The following ERC1 variants were observed in gnomAD, a reference collection of about 807,000 sequenced individuals.
The protein encoded by ERC1 is ELKS/RAB6-interacting/CAST family member 1, also known as RAB6 interacting protein 2.
In ERC1, 56 loss-of-function variants were observed where a neutral mutation model predicts 132.0. That is an observed-to-expected ratio of 0.42 (90% CI 0.34 to 0.53). The LOEUF (loss-of-function observed/expected upper bound fraction) is 0.53. Ranked by LOEUF, ERC1 falls within the 20% of genes least tolerant of loss-of-function variation. ERC1 has a pLI of 0.03. For missense variants in ERC1, 1,202 were observed against 1,349.9 expected (o/e 0.89, Z 1.72); for synonymous variants, 478 against 476.1 (o/e 1.00, Z -0.05).
At chr12:1,387,636 A>G (rs965660218) in intron 16 of ERC1, among the ~76,000 whole-genome samples, 19 of 152,204 alleles carry the variant, frequency 1.2e-4, no homozygotes, top group Admixed American at 1.0e-3. Context: ...CAGAGATTAG[A>G]CTGGGTGGCT....
intron 8 of ERC1, among the ~76,000 whole-genome samples, chr12:1,167,409 G>C (rs1566128563): frequency 6.6e-6 from 1 of 152,184 alleles, no homozygotes; most frequent in Non-Finnish European, 1.5e-5. Context: ...GTCAACTCTA[G>C]TTGAGAAATT....
At chr12:1,461,269 A>G (rs945904560) in intron 18 of ERC1, among the ~76,000 whole-genome samples, 2 of 152,216 alleles carry the variant, frequency 1.3e-5, no homozygotes, top group Non-Finnish European at 2.9e-5. Context: ...TGAGACATGT[A>G]TAACCTGTAT....
chr12:1,488,143 A>G lies in ERC1; in HGVS notation c.3214-1950A>G, dbSNP rs2094266329. On this transcript the variant is annotated intron_variant, in intron 18 of 18. Coordinates refer to ENST00000360905, the MANE Select transcript of ERC1 (RefSeq NM_178040.4). ...ACAGAGCGAGACTCACGTCTCAGAAAAAAAAAAAAAAAAAAAAAAGATAGA... is the reference window on the plus strand; with the variant it reads ...ACAGAGCGAGACTCACGTCTCAGAAGAAAAAAAAAAAAAAAAAAAGATAGA... 3.4e-5 allele frequency among the ~76,000 whole-genome samples: 5 copies of G among 148,316 alleles called. No homozygotes were observed. The South Asian group carries it at 1.1e-3, about 31-fold the overall frequency.
chr12:1,174,926 T>C (rs1403137732), intron 8 of ERC1, among the ~76,000 whole-genome samples: 1 of 152,204 alleles, frequency 6.6e-6, no homozygotes, highest in Non-Finnish European at 1.5e-5. Flanking sequence ...CTCGGAGATA[T>C]TGCAGATTCA....
chr12:1,175,311 T>C (rs1953572620), intron 8 of ERC1, among the ~76,000 whole-genome samples: 1 of 152,172 alleles, frequency 6.6e-6, no homozygotes, highest in South Asian at 2.1e-4. Context: ...TGCTATTTGA[T>C]AGCATTTTAC....
intron 13 of ERC1, among the ~76,000 whole-genome samples, chr12:1,240,606 C>T (rs188619762): frequency 9.5e-4 from 144 of 152,132 alleles, no homozygotes; most frequent in African/African-American, 3.4e-3. Flanking sequence ...AAATATTTTC[C>T]GTATTTTCCA....
chr12:1,076,815 G>A (rs1390369536), intron 2 of ERC1, among the ~76,000 whole-genome samples: 1 of 152,076 alleles, frequency 6.6e-6, no homozygotes, highest in Non-Finnish European at 1.5e-5. Context: ...ATTTTTGTCA[G>A]TTTTTCATAA....
chr12:1,143,233 A>T (rs1033711917), intron 8 of ERC1, among the ~76,000 whole-genome samples: 3 of 152,078 alleles, frequency 2.0e-5, no homozygotes, highest in South Asian at 4.2e-4. Flanking sequence ...AATAAAAAAG[A>T]TGTTGTCCAG....
chr12:1,440,289 C>A (rs1209608350), intron 17 of ERC1, among the ~76,000 whole-genome samples: 1 of 146,648 alleles, frequency 6.8e-6, no homozygotes, highest in African/African-American at 2.6e-5. Flanking sequence ...ACTGCAAGCT[C>A]CGCCTCCTGG....
chr12:1,374,331 T>C (rs1428348234), intron 16 of ERC1, among the ~76,000 whole-genome samples: 1 of 152,194 alleles, frequency 6.6e-6, no homozygotes, highest in Admixed American at 6.5e-5. Context: ...TATATAGATT[T>C]GGGGGTCACC....
At chr12:1,310,857 C>A (rs1358179665) in intron 15 of ERC1, among the ~76,000 whole-genome samples, 2 of 152,260 alleles carry the variant, frequency 1.3e-5, no homozygotes, top group Admixed American at 6.5e-5. Context: ...TCACTCCTGC[C>A]ACCAGCACAG....
At chr12:1,249,066 A>C (rs1353814472) in intron 13 of ERC1, among the ~76,000 whole-genome samples, 1 of 151,260 alleles carries the variant, frequency 6.6e-6, no homozygotes, top group Non-Finnish European at 1.5e-5. Flanking sequence ...TTTTCTTCTT[A>C]TTTTAAGTAG....
rs756580033 is a variant in ERC1 at position 1,028,865 on chromosome 12, TC to T, written c.669+295del. Among the ~76,000 whole-genome samples the T allele has an allele frequency of 4.0e-3, 587 of 148,410 alleles. 6 individuals are homozygous for T. The highest frequency in any genetic ancestry group is 5.7e-3 in the Admixed American group (85 of 14,878). ...GCATATGTTATCTTTTTTTTTTTTT[TC>T]CAATTCTTCTGAGAGTATAATTTTG... On this transcript the variant is annotated intron_variant, in intron 2 of 18. Transcript: ENST00000360905.
At chr12:1,460,767 A>G (rs891519162) in intron 18 of ERC1, among the ~76,000 whole-genome samples, 3 of 151,584 alleles carry the variant, frequency 2.0e-5, no homozygotes, top group Admixed American at 6.6e-5. Flanking sequence ...CTAGTATAAC[A>G]GGGATGTATA....
chr12:1,150,940 C>T (rs562146310), intron 8 of ERC1, among the ~76,000 whole-genome samples: 4 of 152,310 alleles, frequency 2.6e-5, no homozygotes, highest in African/African-American at 9.6e-5. Flanking sequence ...AGCACGGACT[C>T]TTGTTAAGAA....
intron 18 of ERC1, among the ~76,000 whole-genome samples, chr12:1,471,488 C>T (rs2093860568): frequency 6.6e-6 from 1 of 152,172 alleles, no homozygotes. Flanking sequence ...AGAAAGCAAA[C>T]ATTTGTTCTG....
At chr12:1,254,149 T>C (rs1051160242) in intron 13 of ERC1, among the ~76,000 whole-genome samples, 9 of 152,214 alleles carry the variant, frequency 5.9e-5, no homozygotes, top group Non-Finnish European at 8.8e-5. Context: ...AGTAAAACTC[T>C]AAAGATACTG....
chr12:1,451,522 G>C (rs114621486), intron 18 of ERC1, among the ~76,000 whole-genome samples: 2,019 of 152,228 alleles, frequency 0.013, 44 homozygotes, highest in African/African-American at 0.047. Flanking sequence ...CTACTCGGGA[G>C]GCCCAGGTGG....
chr12:1,138,069 GT>G (rs1305069755), intron 7 of ERC1, among the ~76,000 whole-genome samples: 1 of 94,766 alleles, frequency 1.1e-5, no homozygotes, highest in Non-Finnish European at 2.2e-5. Flanking sequence ...ATTATATATT[GT>G]TTTATATTAT....
Sources: allele counts gnomAD v4.1 joint callset (sites outside exome capture counted in the v4.1 genomes callset), GRCh38; gene constraint gnomAD v4.1.1; transcripts MANE v1.5; gene names NCBI Gene and HGNC (gene_info 2026-07-23, HGNC 2026-07-21).